Variants in CNTNAP2 observed in about 807,000 individuals in gnomAD.
The protein encoded by CNTNAP2 is contactin associated protein 2, also known as contactin-associated protein-like 2.
CNTNAP2 carries 98 observed loss-of-function variants against 155.2 expected under a neutral mutation model. The observed-to-expected ratio is 0.63, with a 90% confidence interval of 0.54 to 0.75. The LOEUF (loss-of-function observed/expected upper bound fraction) is 0.75, where lower values mean the gene tolerates loss of function less well. Ranked by LOEUF, CNTNAP2 falls within the 30% of genes least tolerant of loss-of-function variation. CNTNAP2 has a pLI of 0.00. For missense variants in CNTNAP2, 1,727 were observed against 1,688.1 expected, an observed-to-expected ratio of 1.02 and a Z score of -0.40; for synonymous variants, 651 against 631.2, an observed-to-expected ratio of 1.03 and a Z score of -0.47.
intron 4 of CNTNAP2, among the ~76,000 whole-genome samples, chr7:147,096,211 G>T (rs1374202033): frequency 6.6e-6 from 1 of 152,122 alleles, no homozygotes; most frequent in African/African-American, 2.4e-5. Context: ...GAACTATGTG[G>T]CCAAGAAGAC....
intron 13 of CNTNAP2, among the ~76,000 whole-genome samples, chr7:147,702,613 T>G (rs1796252824): frequency 6.6e-6 from 1 of 151,980 alleles, no homozygotes; most frequent in Admixed American, 6.6e-5. Flanking sequence ...AGACCAACAG[T>G]TCAGACCAGA....
chr7:147,977,910 CCAAGTGGTGG>C lies in CNTNAP2; in HGVS notation c.2305_2314del (p.Gln769LeufsTer13), dbSNP rs1398569998. ...CATACAAAGATCACCTGCCAGTGAGCCAAGTGGTGGTTGGAGATACTGACCGTCAAGGCTC... is the reference window on the plus strand; with the variant it reads ...CATACAAAGATCACCTGCCAGTGAGCTTGGAGATACTGACCGTCAAGGCTC... On this transcript the variant is annotated frameshift_variant, in exon 15 of 24. Coordinates refer to ENST00000361727, the MANE Select transcript of CNTNAP2 (RefSeq NM_014141.6). LOFTEE classifies it high-confidence loss of function. 1 of 1,613,950 alleles carries C rather than the reference CCAAGTGGTGG, an allele frequency of 6.2e-7. No homozygotes were observed. The highest frequency in any genetic ancestry group is 2.2e-5 in the East Asian group (1 of 44,880).
chr7:146,386,977 G>A (rs1234199262), intron 1 of CNTNAP2, among the ~76,000 whole-genome samples: 1 of 152,068 alleles, frequency 6.6e-6, no homozygotes, highest in Non-Finnish European at 1.5e-5. Flanking sequence ...CCAAGTGAAG[G>A]GAGAATGCCC....
intron 9 of CNTNAP2, among the ~76,000 whole-genome samples, chr7:147,379,568 G>C (rs1045832439): frequency 6.6e-6 from 1 of 152,016 alleles, no homozygotes; most frequent in African/African-American, 2.4e-5. Flanking sequence ...CCAATAGTCA[G>C]TGTAAATTCA....
chr7:146,478,922 A>C (rs557741492), intron 1 of CNTNAP2, among the ~76,000 whole-genome samples: 1 of 152,304 alleles, frequency 6.6e-6, no homozygotes, highest in East Asian at 1.9e-4. Context: ...AGTAATTATT[A>C]CAACAAATAG....
intron 13 of CNTNAP2, among the ~76,000 whole-genome samples, chr7:147,786,251 G>A (rs541681654): frequency 7.7e-4 from 118 of 152,258 alleles, no homozygotes; most frequent in Non-Finnish European, 1.1e-3. Flanking sequence ...CAGCCTGGGC[G>A]ACACAGTGAG....
chr7:146,746,094 A>G (rs1241095448), intron 1 of CNTNAP2, among the ~76,000 whole-genome samples: 1 of 152,188 alleles, frequency 6.6e-6, no homozygotes, highest in Non-Finnish European at 1.5e-5. Flanking sequence ...AAGGGAGTAG[A>G]GTGGAACTTT....
intron 1 of CNTNAP2, among the ~76,000 whole-genome samples, chr7:146,771,249 G>A (rs546363752): frequency 1.3e-5 from 2 of 152,204 alleles, no homozygotes; most frequent in Non-Finnish European, 1.5e-5. Context: ...CAAGGGCAGG[G>A]CATTGTTAAT....
At chr7:148,318,644 G>GTGGCA (rs1466957562) in intron 21 of CNTNAP2, among the ~76,000 whole-genome samples, 1 of 152,162 alleles carries the variant, frequency 6.6e-6, no homozygotes, top group Non-Finnish European at 1.5e-5. Flanking sequence ...AACAAAGCAG[G>GTGGCA]TGGCATGGCA....
intron 13 of CNTNAP2, among the ~76,000 whole-genome samples, chr7:147,824,357 C>T (rs954533165): frequency 1.3e-5 from 2 of 152,126 alleles, no homozygotes; most frequent in Admixed American, 6.6e-5. Flanking sequence ...GCTATGATGA[C>T]GAAGTCTTGA....
chr7:147,316,559 A>G (rs781313880), intron 9 of CNTNAP2, among the ~76,000 whole-genome samples: 1 of 152,202 alleles, frequency 6.6e-6, no homozygotes, highest in African/African-American at 2.4e-5. Flanking sequence ...AGATGATACA[A>G]TAAGGTTAGC....
At chr7:146,566,564 G>T (rs1263535999) in intron 1 of CNTNAP2, among the ~76,000 whole-genome samples, 2 of 152,064 alleles carry the variant, frequency 1.3e-5, no homozygotes, top group Non-Finnish European at 2.9e-5. Context: ...GGGCGTGGTG[G>T]CAGGCGCCTG....
intron 2 of CNTNAP2, 111 bp from the exon 3 acceptor site, chr7:146,839,600 T>G: frequency 9.2e-7 from 1 of 1,088,340 alleles, no homozygotes; most frequent in Non-Finnish European, 1.4e-6. Context: ...AATATATCTG[T>G]GAAATAGAGC....
At chr7:146,958,247 T>C (rs1797476842) in intron 3 of CNTNAP2, among the ~76,000 whole-genome samples, 1 of 152,066 alleles carries the variant, frequency 6.6e-6, no homozygotes, top group Non-Finnish European at 1.5e-5. Context: ...GAAATACAAA[T>C]AGAACCTATC....
chr7:146,438,031 A>G (rs1417475208), intron 1 of CNTNAP2, among the ~76,000 whole-genome samples: 1 of 151,638 alleles, frequency 6.6e-6, no homozygotes. Context: ...TGATGGGGAC[A>G]TAGGGTTAAC....
intron 1 of CNTNAP2, among the ~76,000 whole-genome samples, chr7:146,388,633 TA>T (rs979446687): frequency 6.3e-4 from 96 of 152,216 alleles, no homozygotes; most frequent in African/African-American, 2.3e-3. Flanking sequence ...GTAAGTTATT[TA>T]AAAATGTACA....
chr7:146,675,507 G>A (rs1800383399), intron 1 of CNTNAP2, among the ~76,000 whole-genome samples: 3 of 152,072 alleles, frequency 2.0e-5, no homozygotes, highest in Non-Finnish European at 4.4e-5. Context: ...TGATGGGCAA[G>A]GCTTTTTGCT....
At chr7:148,185,303 C>T (rs1469340968) in intron 18 of CNTNAP2, among the ~76,000 whole-genome samples, 2 of 152,152 alleles carry the variant, frequency 1.3e-5, no homozygotes, top group Non-Finnish European at 2.9e-5. Context: ...TGGCATGAGT[C>T]ATTTGGCCTG....
chr7:147,640,686 AT>A (rs1292382251), intron 13 of CNTNAP2, among the ~76,000 whole-genome samples: 1 of 152,174 alleles, frequency 6.6e-6, no homozygotes, highest in Non-Finnish European at 1.5e-5. Context: ...ATAAAACGAC[AT>A]GGACATACGT....
Sources: gnomAD v4.1 joint callset for allele counts (sites outside exome capture counted in the v4.1 genomes callset) on GRCh38, gnomAD v4.1.1 for gene constraint, MANE v1.5 for transcripts, NCBI Gene and HGNC (gene_info 2026-07-23, HGNC 2026-07-21) for gene names.